GALNT10: variants seen among roughly 807,000 people sequenced by gnomAD.
GALNT10 encodes the protein polypeptide N-acetylgalactosaminyltransferase 10, also known as GalNAc transferase 10.
In GALNT10, 41 loss-of-function variants were observed where a neutral mutation model predicts 75.0. The ratio of observed to expected loss-of-function variants is 0.55; its 90% confidence interval spans 0.43 to 0.71. The LOEUF is 0.71. GALNT10 is among the 30% of genes least tolerant of loss of function. The pLI is 0.00. For missense variants in GALNT10, 727 were observed against 818.5 expected (o/e 0.89, Z 1.36); for synonymous variants, 302 against 313.0 (o/e 0.96, Z 0.37).
chr5:154,191,749 C>A (rs570145814), intron 1 of GALNT10, among the ~76,000 whole-genome samples: 1 of 152,352 alleles, frequency 6.6e-6, no homozygotes, highest in South Asian at 2.1e-4. Flanking sequence ...GGGGGACCCC[C>A]AAAATGTCCC....
At chr5:154,240,819 G>C (rs942816797) in intron 1 of GALNT10, among the ~76,000 whole-genome samples, 1 of 152,214 alleles carries the variant, frequency 6.6e-6, no homozygotes, top group Non-Finnish European at 1.5e-5. Context: ...ATGGAGCAGA[G>C]TTAGACCTGG....
chr5:154,286,195 C>T (rs114867339), intron 1 of GALNT10, among the ~76,000 whole-genome samples: 45 of 152,278 alleles, frequency 3.0e-4, no homozygotes, highest in African/African-American at 1.1e-3. Flanking sequence ...TCTATAAGCT[C>T]TATGAGAGTA....
chr5:154,345,462 G>A (rs995546633), intron 4 of GALNT10, among the ~76,000 whole-genome samples: 2 of 151,792 alleles, frequency 1.3e-5, no homozygotes, highest in Non-Finnish European at 2.9e-5. Flanking sequence ...TCCCCCACCC[G>A]GAGCCCCTGG....
At chr5:154,406,175 C>T (rs559240693) in intron 8 of GALNT10, 28 of 152,096 alleles carry the variant, frequency 1.8e-4, no homozygotes, top group African/African-American at 6.5e-4. Flanking sequence ...AGCAATTGTT[C>T]CTTAAACAGT....
In GALNT10 at chr5:154,412,771, C is replaced by A; in HGVS notation, c.1387-118C>A. The A allele has an allele frequency of 1.3e-6, 1 of 771,166 alleles. No homozygotes were observed. Among genetic ancestry groups the A allele is most frequent in the Admixed American group, 1.8e-5 (1 of 56,648 alleles). 47.8% of individuals were successfully genotyped at this position (771,166 alleles called of 1,614,324 possible). A position where few individuals can be genotyped will look rare whatever the true frequency, so the allele number is the denominator to read the frequency against. ...CAGCCCAGGGCAAGCTTTATCAAGACGATTTGAAGGTTAATCCAGCTAATG... is the reference window on the plus strand; with the variant it reads ...CAGCCCAGGGCAAGCTTTATCAAGAAGATTTGAAGGTTAATCCAGCTAATG... On this transcript the variant is annotated intron_variant, in intron 9 of 11. Coordinates refer to ENST00000297107, the MANE Select transcript of GALNT10 (RefSeq NM_198321.4). The surrounding 1 kb of genome is among the most constrained non-coding windows in gnomAD (Gnocchi z 4.2).
At chr5:154,348,374 C>G (rs541769261) in intron 4 of GALNT10, among the ~76,000 whole-genome samples, 1 of 152,204 alleles carries the variant, frequency 6.6e-6, no homozygotes, top group Admixed American at 6.5e-5. Context: ...ACCTCCAAGT[C>G]GCGCTATTCA....
At chr5:154,340,054 T>C (rs1398068083) in intron 4 of GALNT10, among the ~76,000 whole-genome samples, 1 of 152,138 alleles carries the variant, frequency 6.6e-6, no homozygotes, top group African/African-American at 2.4e-5. Flanking sequence ...GCAAAAGAAA[T>C]TGTGGTATTT....
chr5:154,386,354 A>T lies in GALNT10; in HGVS notation c.980A>T (p.Lys327Met), dbSNP rs370165932. The stretch of plus-strand genomic sequence containing the variant: ...GGTGGACTGTTCGCCGTGGATCGGA[A>T]GTGGTTCTGGGAACTCGGCGGGTAT... ...MAGGLFAVDR[K>M]WFWELGGYDP... Residue 327 changes from lysine to methionine, a missense_variant, in exon 7 of 12, where the codon AAG becomes ATG. Transcript: ENST00000297107. The T allele has an allele frequency of 6.2e-7, 1 of 1,613,956 alleles. No homozygotes were observed. The highest frequency in any genetic ancestry group is 1.3e-5 in the African/African-American group (1 of 74,908).
intron 3 of GALNT10, among the ~76,000 whole-genome samples, chr5:154,307,598 C>T (rs866651381): frequency 3.5e-5 from 5 of 143,574 alleles, no homozygotes; most frequent in South Asian, 4.4e-4. Context: ...CCAGCCTGGG[C>T]GACAGAGTGA....
At chr5:154,285,185 C>T (rs915165411) in intron 1 of GALNT10, among the ~76,000 whole-genome samples, 1 of 152,084 alleles carries the variant, frequency 6.6e-6, no homozygotes, top group African/African-American at 2.4e-5. Context: ...CAGCACAGAG[C>T]GCTCACACTT....
intron 3 of GALNT10, among the ~76,000 whole-genome samples, chr5:154,300,452 C>T (rs1304715118): frequency 6.6e-6 from 1 of 152,166 alleles, no homozygotes; most frequent in African/African-American, 2.4e-5. Flanking sequence ...AAATCTGAAT[C>T]TCTGAGGTTG....
intron 3 of GALNT10, among the ~76,000 whole-genome samples, chr5:154,328,330 G>A (rs181955304): frequency 1.2e-4 from 18 of 152,264 alleles, no homozygotes; most frequent in Admixed American, 3.9e-4. Context: ...TAAGCTTACC[G>A]TGGGGCTGGT....
intron 4 of GALNT10, among the ~76,000 whole-genome samples, chr5:154,362,453 AG>A (rs1755405351): frequency 6.6e-6 from 1 of 152,160 alleles, no homozygotes; most frequent in African/African-American, 2.4e-5. Context: ...CTGCTAGGGT[AG>A]GGGGAAAATT....
At chr5:154,375,011 T>C (rs1755632176) in intron 4 of GALNT10, among the ~76,000 whole-genome samples, 1 of 152,242 alleles carries the variant, frequency 6.6e-6, no homozygotes, top group African/African-American at 2.4e-5. Flanking sequence ...CCTTGTAAAA[T>C]TTAGTTGACT....
chr5:154,403,939 T>C, intron 7 of GALNT10, 165 bp from the exon 8 acceptor site: 1 of 691,302 alleles, frequency 1.4e-6, no homozygotes, highest in Non-Finnish European at 2.7e-6. Flanking sequence ...TTTTTACCGC[T>C]GTTATTATAT....
At chr5:154,270,838 A>G (rs1238011561) in intron 1 of GALNT10, among the ~76,000 whole-genome samples, 1 of 152,040 alleles carries the variant, frequency 6.6e-6, no homozygotes, top group Admixed American at 6.5e-5. Flanking sequence ...TACTAAAAAT[A>G]TAAAAATTAG....
At chr5:154,344,251 G>A (rs1385564024) in intron 4 of GALNT10, among the ~76,000 whole-genome samples, 18 of 137,496 alleles carry the variant, frequency 1.3e-4, no homozygotes, top group African/African-American at 1.3e-4. Context: ...TCTGTCTGTC[G>A]CCCAGGCTGA....
chr5:154,335,647 ACC>A (rs1324124983), intron 4 of GALNT10, among the ~76,000 whole-genome samples: 1 of 152,136 alleles, frequency 6.6e-6, no homozygotes, highest in Non-Finnish European at 1.5e-5. Context: ...CTTTTAATAG[ACC>A]TTATTTTTTA....
chr5:154,346,161 T>TGTGA lies in GALNT10; in HGVS notation c.568+16424_568+16425insTGAG, dbSNP rs1377928877. 8.6e-5 allele frequency among the ~76,000 whole-genome samples: 13 copies of TGTGA among 151,120 alleles called. No individual in the cohort carries two copies. The East Asian group carries it at 2.3e-3, about 27-fold the overall frequency. On this transcript the variant is annotated intron_variant, in intron 4 of 11. Transcript: ENST00000297107. ...GTGCGTGTGTGTGTGTGTGTGTGTG[T>TGTGA]GAGATAGATACACACACACCACATT...
Sources: allele counts gnomAD v4.1 joint callset (sites outside exome capture counted in the v4.1 genomes callset), GRCh38; gene constraint gnomAD v4.1.1; non-coding constraint Gnocchi (gnomAD v3.1); transcripts MANE v1.5; gene names NCBI Gene and HGNC (gene_info 2026-07-23, HGNC 2026-07-21).